C8A: variants seen among roughly 807,000 people sequenced by gnomAD.
C8A encodes the protein complement C8 alpha chain, also known as complement component C8 alpha chain.
C8A carries 67 observed loss-of-function variants against 65.3 expected under a neutral mutation model. The observed-to-expected ratio is 1.03, with a 90% confidence interval of 0.84 to 1.26. The LOEUF (loss-of-function observed/expected upper bound fraction) is 1.26, where lower values mean the gene tolerates loss of function less well. Among genes scored for constraint, C8A ranks in the 50% most tolerant of loss-of-function variants. The probability of loss-of-function intolerance (pLI) is 0.00; values close to 1 mark genes in which losing one functional copy is unlikely to be tolerated. For missense variants in C8A, 781 were observed against 723.9 expected (o/e 1.08, Z -0.90); for synonymous variants, 290 against 259.4 (o/e 1.12, Z -1.13).
intron 7 of C8A, among the ~76,000 whole-genome samples, chr1:56,897,249 G>T (rs1308682297): frequency 2.6e-5 from 4 of 152,168 alleles, no homozygotes; most frequent in Non-Finnish European, 1.5e-5. Context: ...GTAACTGGGA[G>T]AATTGTTAAT....
chr1:56,855,071 A>T (rs1643960298), intron 1 of C8A, 93 bp downstream of exon 1: 2 of 947,274 alleles, frequency 2.1e-6, no homozygotes, highest in Admixed American at 3.8e-5. Flanking sequence ...AGGCTGTGTT[A>T]GAATGGAAAA....
intron 7 of C8A, among the ~76,000 whole-genome samples, chr1:56,890,310 C>A (rs1257388272): frequency 6.6e-6 from 1 of 152,128 alleles, no homozygotes; most frequent in Non-Finnish European, 1.5e-5. Flanking sequence ...TTGCTCCACC[C>A]CTTCTCCCAT....
At chr1:56,915,404 G>A (rs1338621634) in intron 10 of C8A, among the ~76,000 whole-genome samples, 2 of 152,094 alleles carry the variant, frequency 1.3e-5, no homozygotes, top group African/African-American at 4.8e-5. Flanking sequence ...CTGGAAAAAA[G>A]GCACTGCTTG....
At chr1:56,909,809 T>C (rs1644492297) in intron 9 of C8A, among the ~76,000 whole-genome samples, 2 of 152,198 alleles carry the variant, frequency 1.3e-5, no homozygotes, top group Admixed American at 1.3e-4. Flanking sequence ...TTCACAAGAC[T>C]CAGGAGATCA....
intron 1 of C8A, among the ~76,000 whole-genome samples, chr1:56,862,176 T>C (rs1156986183): frequency 1.3e-5 from 2 of 152,204 alleles, no homozygotes; most frequent in Non-Finnish European, 2.9e-5. Flanking sequence ...GCTCGAGATT[T>C]TACATACATG....
intron 7 of C8A, among the ~76,000 whole-genome samples, chr1:56,895,591 A>G (rs1439248111): frequency 1.3e-5 from 2 of 152,176 alleles, no homozygotes; most frequent in Non-Finnish European, 2.9e-5. Context: ...TTAAAAAATA[A>G]AATGTAATAG....
At position 56,890,076 on chromosome 1, in the gene C8A, T is replaced by A. The variant is rs140186505; in HGVS notation, c.1096+3909T>A. On this transcript the variant is annotated intron_variant, in intron 7 of 10. Coordinates refer to ENST00000361249, the MANE Select transcript of C8A (RefSeq NM_000562.3). The stretch of plus-strand genomic sequence containing the variant: ...GGTATACAAAAGAGAAATAATGTAT[T>A]TCGCATTCTGACTTCTCTGGTTACA... Among the ~76,000 whole-genome samples the A allele has an allele frequency of 7.7e-3, 1,175 of 152,272 alleles. 10 individuals are homozygous for A. Among genetic ancestry groups the A allele is most frequent in the Middle Eastern group, 0.02 (6 of 294 alleles).
At chr1:56,863,885 CCCTT>C (rs142233140) in intron 1 of C8A, among the ~76,000 whole-genome samples, 3,895 of 139,622 alleles carry the variant, frequency 0.028, 71 homozygotes, top group Non-Finnish European at 0.04. Flanking sequence ...CTCCTTCTCT[CCCTT>C]CCTTCCTTCC....
At chr1:56,910,755 C>A (rs1445730250) in intron 9 of C8A, among the ~76,000 whole-genome samples, 3 of 152,218 alleles carry the variant, frequency 2.0e-5, no homozygotes, top group Non-Finnish European at 4.4e-5. Context: ...GTCTGTTTGC[C>A]ACAGGTCTTT....
chr1:56,854,872 G>A lies in C8A; in HGVS notation c.-30G>A, dbSNP rs750962980. 5.0e-6 allele frequency: 8 copies of A among 1,596,546 alleles called. No individual in the cohort carries two copies. The highest frequency in any genetic ancestry group is 6.9e-6 in the Non-Finnish European group (8 of 1,165,950). ...TGAATAGATAGCTTTATTCCTTCAA[G>A]GTAATATAGTGCGGTGGCTTCTGGC... is the stretch of plus-strand genomic sequence containing the variant. On this transcript the variant is annotated 5_prime_UTR_variant, in exon 1 of 11. Coordinates refer to ENST00000361249, the MANE Select transcript of C8A (RefSeq NM_000562.3).
intron 4 of C8A, among the ~76,000 whole-genome samples, chr1:56,877,932 T>G (rs906529869): frequency 2.0e-5 from 3 of 152,170 alleles, no homozygotes; most frequent in Admixed American, 6.5e-5. Flanking sequence ...AATTCTGTTT[T>G]CTTTCATACC....
chr1:56,868,529 G>T (rs1166881872), intron 2 of C8A, among the ~76,000 whole-genome samples: 1 of 151,960 alleles, frequency 6.6e-6, no homozygotes, highest in Non-Finnish European at 1.5e-5. Flanking sequence ...GAGGCAGGAG[G>T]ATCACTTGCG....
intron 4 of C8A, among the ~76,000 whole-genome samples, chr1:56,879,217 A>G (rs1171301503): frequency 1.3e-5 from 2 of 152,316 alleles, no homozygotes; most frequent in South Asian, 2.1e-4. Flanking sequence ...GTATAATTAT[A>G]TAATTATTTG....
chr1:56,877,011 G>A (rs1264577788), intron 4 of C8A, among the ~76,000 whole-genome samples: 1 of 152,166 alleles, frequency 6.6e-6, no homozygotes, highest in Non-Finnish European at 1.5e-5. Context: ...TGAGGTCATA[G>A]GGTAGGACCC....
intron 3 of C8A, 54 bp downstream of exon 3, chr1:56,875,147 A>G (rs754176400): frequency 1.1e-4 from 173 of 1,592,806 alleles, no homozygotes; most frequent in Non-Finnish European, 1.4e-4. Context: ...TGACATGTGA[A>G]ACACTTCCCC....
intron 7 of C8A, among the ~76,000 whole-genome samples, chr1:56,889,937 G>A (rs1469722237): frequency 2.0e-5 from 3 of 152,120 alleles, no homozygotes; most frequent in Admixed American, 6.6e-5. Flanking sequence ...GTGACTGACA[G>A]CTTTCTACCT....
At chr1:56,873,844 G>C (rs544895742) in intron 2 of C8A, among the ~76,000 whole-genome samples, 1 of 152,238 alleles carries the variant, frequency 6.6e-6, no homozygotes, top group Non-Finnish European at 1.5e-5. Context: ...TAGGGTCTAC[G>C]CTTCTTGAAG....
At chr1:56,883,142 C>G (rs983216602) in intron 5 of C8A, among the ~76,000 whole-genome samples, 2 of 152,136 alleles carry the variant, frequency 1.3e-5, no homozygotes, top group Non-Finnish European at 2.9e-5. Flanking sequence ...AAGCAGCCAG[C>G]CTTCTCTCCT....
intron 2 of C8A, among the ~76,000 whole-genome samples, chr1:56,872,947 A>G (rs1200712179): frequency 6.6e-6 from 1 of 152,000 alleles, no homozygotes; most frequent in Admixed American, 6.6e-5. Flanking sequence ...TATGCTGATC[A>G]CTCCTTTATT....
Sources: allele counts gnomAD v4.1 joint callset (sites outside exome capture counted in the v4.1 genomes callset), GRCh38; gene constraint gnomAD v4.1.1; transcripts MANE v1.5; gene names NCBI Gene and HGNC (gene_info 2026-07-23, HGNC 2026-07-21).